Variants in CHN1 observed in about 807,000 individuals in gnomAD.
The protein encoded by CHN1 is N-chimaerin.
A neutral mutation model predicts 59.5 loss-of-function variants in CHN1; 37 were observed. The ratio of observed to expected loss-of-function variants is 0.62; its 90% CI spans 0.48 to 0.82. The LOEUF (loss-of-function observed/expected upper bound fraction) is 0.82. CHN1 is among the 40% of genes least tolerant of loss of function. The probability of loss-of-function intolerance (pLI) is 0.00; values close to 1 mark genes in which losing one functional copy is unlikely to be tolerated. For missense variants in CHN1, 469 were observed against 571.0 expected (o/e 0.82, Z 1.82); for synonymous variants, 206 against 200.4 (o/e 1.03, Z -0.24).
intron 3 of CHN1, among the ~76,000 whole-genome samples, chr2:174,941,450 C>A (rs1407547881): frequency 6.6e-6 from 1 of 152,158 alleles, no homozygotes; most frequent in African/African-American, 2.4e-5. Flanking sequence ...AGTATACTTT[C>A]TAATTGTGTC....
intron 3 of CHN1, among the ~76,000 whole-genome samples, chr2:174,922,953 A>AGAGATCTGGAAGTATGCAT (rs914756185): frequency 6.6e-6 from 1 of 152,186 alleles, no homozygotes; most frequent in Non-Finnish European, 1.5e-5. Context: ...TGGCATAAAT[A>AGAGATCTGGAAGTATGCAT]GAGATCTGGA....
At chr2:174,956,137 T>C (rs1690196833) in intron 1 of CHN1, among the ~76,000 whole-genome samples, 1 of 152,112 alleles carries the variant, frequency 6.6e-6, no homozygotes, top group African/African-American at 2.4e-5. Flanking sequence ...TGATAAGAAT[T>C]ACAAGTAGAC....
At chr2:174,817,326 G>A (rs1685303020) in intron 8 of CHN1, among the ~76,000 whole-genome samples, 1 of 152,076 alleles carries the variant, frequency 6.6e-6, no homozygotes, top group South Asian at 2.1e-4. Context: ...AACTTGTTTT[G>A]TCATATTCTT....
chr2:174,957,940 A>G lies in CHN1; in HGVS notation c.20-5738T>C, dbSNP rs894483048. On this transcript the variant is annotated intron_variant, in intron 1 of 12. Transcript: ENST00000409900. ...ACCATGCTTATGCAATAAAGCCCCA[A>G]TGAAAGCTCTGAACACCGAGGCCGG... Among the ~76,000 whole-genome samples the G allele has an allele frequency of 2.6e-5, 4 of 152,332 alleles. No homozygotes were observed. The Middle Eastern group carries it at 0.01, about 389-fold the overall frequency.
chr2:174,937,781 C>A (rs769360158), intron 3 of CHN1, among the ~76,000 whole-genome samples: 6 of 152,044 alleles, frequency 3.9e-5, no homozygotes, highest in Non-Finnish European at 8.8e-5. Context: ...CCTGGCACCT[C>A]ATCCTATTAA....
Position 174,858,979 on chromosome 2 carries a change from TACACAC to T in CHN1, c.550-12028_550-12023del, listed in dbSNP as rs71407155. Among the ~76,000 whole-genome samples the T allele has an allele frequency of 2.1e-3, 301 of 142,508 alleles. 2 individuals are homozygous for T. Among genetic ancestry groups the T allele is most frequent in the African/African-American group, 6.8e-3 (258 of 38,022 alleles). The allele number at this position is 142,508 out of a possible 152,430, so 93.5% of individuals were successfully genotyped here. On this transcript the variant is annotated intron_variant, in intron 6 of 12. Coordinates refer to ENST00000409900, the MANE Select transcript of CHN1 (RefSeq NM_001822.7). The stretch of plus-strand genomic sequence containing the variant: ...AATCTACCATGCTGATTTCCTCCTC[TACACAC>T]ACACACACACACACACACACACACA...
chr2:174,848,353 G>C (rs1271367494), intron 6 of CHN1, among the ~76,000 whole-genome samples: 1 of 151,710 alleles, frequency 6.6e-6, no homozygotes, highest in African/African-American at 2.4e-5. Context: ...TGTAGAAACG[G>C]GGTGGCTAGG....
At chr2:174,867,421 A>G (rs1488704615) in intron 6 of CHN1, among the ~76,000 whole-genome samples, 2 of 152,020 alleles carry the variant, frequency 1.3e-5, no homozygotes, top group African/African-American at 2.4e-5. Context: ...ATTGTTAAAC[A>G]TAGACAGTAT....
At chr2:174,858,194 C>T (rs35222216) in intron 6 of CHN1, among the ~76,000 whole-genome samples, 6,844 of 152,042 alleles carry the variant, frequency 0.045, 218 homozygotes, top group African/African-American at 0.084. Context: ...TTAAAAAGGG[C>T]CTGTTACAGA....
At chr2:174,906,770 A>G (rs1558976292) in intron 5 of CHN1, among the ~76,000 whole-genome samples, 1 of 152,144 alleles carries the variant, frequency 6.6e-6, no homozygotes, top group Non-Finnish European at 1.5e-5. Flanking sequence ...TGGTCCAGGA[A>G]AAAAATGAGA....
intron 3 of CHN1, among the ~76,000 whole-genome samples, chr2:174,936,698 T>C (rs985828171): frequency 6.6e-6 from 1 of 152,178 alleles, no homozygotes; most frequent in Non-Finnish European, 1.5e-5. Flanking sequence ...CACAAAAATA[T>C]GTACCATTAC....
chr2:174,880,940 G>A (rs936337504), intron 5 of CHN1, among the ~76,000 whole-genome samples: 3 of 151,828 alleles, frequency 2.0e-5, no homozygotes, highest in Admixed American at 6.6e-5. Context: ...TAGCTACTCC[G>A]GAGGCTGAGG....
At chr2:174,929,336 G>A (rs1191751586) in intron 3 of CHN1, among the ~76,000 whole-genome samples, 1 of 152,172 alleles carries the variant, frequency 6.6e-6, no homozygotes, top group Non-Finnish European at 1.5e-5. Context: ...CCAGCCCTTT[G>A]GGAGGCCAAG....
intron 1 of CHN1, among the ~76,000 whole-genome samples, chr2:174,954,547 G>T (rs1051740645): frequency 6.6e-6 from 1 of 152,084 alleles, no homozygotes; most frequent in Non-Finnish European, 1.5e-5. Flanking sequence ...CTATACATCC[G>T]ACAAAGGACT....
intron 3 of CHN1, chr2:174,920,840 T>C (rs973984831): frequency 3.5e-6 from 1 of 284,782 alleles, no homozygotes; most frequent in Non-Finnish European, 7.5e-6. Context: ...TTATTTCTAT[T>C]ATTATTATAT....
chr2:174,896,229 T>G (rs888837576), intron 5 of CHN1, among the ~76,000 whole-genome samples: 1 of 152,158 alleles, frequency 6.6e-6, no homozygotes, highest in Non-Finnish European at 1.5e-5. Context: ...TACTGCTACA[T>G]AACGCATTAA....
intron 3 of CHN1, among the ~76,000 whole-genome samples, chr2:174,923,042 T>C (rs1433486960): frequency 6.6e-6 from 1 of 152,126 alleles, no homozygotes; most frequent in Non-Finnish European, 1.5e-5. Flanking sequence ...GGAAAAGGCA[T>C]AAAAGGAACT....
chr2:174,807,987 CCTT>C (rs143238252), intron 11 of CHN1, among the ~76,000 whole-genome samples: 1 of 152,170 alleles, frequency 6.6e-6, no homozygotes, highest in Non-Finnish European at 1.5e-5. Flanking sequence ...ATAAGAATTC[CCTT>C]CTTTAAAAAA....
At chr2:174,983,738 G>C (rs895447192) in intron 1 of CHN1, among the ~76,000 whole-genome samples, 10 of 152,190 alleles carry the variant, frequency 6.6e-5, no homozygotes, top group Non-Finnish European at 1.5e-4. Flanking sequence ...TGAAGCAGGA[G>C]AATTAGTTGA....
Sources: allele counts gnomAD v4.1 joint callset (sites outside exome capture counted in the v4.1 genomes callset), GRCh38; gene constraint gnomAD v4.1.1; transcripts MANE v1.5; gene names NCBI Gene and HGNC (gene_info 2026-07-23, HGNC 2026-07-21).